Variants in DCAF10 observed in about 807,000 individuals in gnomAD.
The protein encoded by DCAF10 is DDB1 and CUL4 associated factor 10.
DCAF10 carries 19 observed loss-of-function variants against 51.9 expected under a neutral mutation model. That is an observed-to-expected ratio of 0.37 (90% CI 0.26 to 0.54). The LOEUF (loss-of-function observed/expected upper bound fraction) is 0.54. DCAF10 is among the 20% of genes least tolerant of loss of function. The pLI is 0.87. For synonymous variants in DCAF10, 291 were observed against 297.1 expected, an observed-to-expected ratio of 0.98 and a Z score of 0.21; for missense variants, 510 against 730.6, an observed-to-expected ratio of 0.70 and a Z score of 3.48.
At position 37,850,826 on chromosome 9, in the gene DCAF10, T is replaced by TTATATA. The variant is rs71494679; in HGVS notation, c.852-3903_852-3898dup. 3.6e-3 allele frequency among the ~76,000 whole-genome samples: 164 copies of TTATATA among 45,698 alleles called. 4 individuals are homozygous for TTATATA. Among genetic ancestry groups the TTATATA allele is most frequent in the East Asian group, 5.0e-3 (4 of 804 alleles). 30.0% of individuals were successfully genotyped at this position (45,698 alleles called of 152,430 possible). ...AATGCTAAGTATGTGAGGATATATT[T>TTATATA]TATATATATATATATATATATATAT... On this transcript the variant is annotated intron_variant, in intron 3 of 6. Coordinates refer to ENST00000377724, the MANE Select transcript of DCAF10 (RefSeq NM_024345.5).
At chr9:37,816,456 G>A (rs1043370880) in intron 1 of DCAF10, among the ~76,000 whole-genome samples, 6 of 152,184 alleles carry the variant, frequency 3.9e-5, no homozygotes, top group African/African-American at 1.4e-4. Flanking sequence ...TGGGCATGGT[G>A]GCACATGCCT....
intron 3 of DCAF10, among the ~76,000 whole-genome samples, chr9:37,842,910 G>T (rs1017042519): frequency 6.6e-6 from 1 of 152,206 alleles, no homozygotes; most frequent in Non-Finnish European, 1.5e-5. Context: ...TAAAGAAATT[G>T]ATATTTAAAG....
rs1831076836 is a variant in DCAF10, at chr9:37,863,818, A to G, written c.*2310A>G. 6.6e-6 allele frequency: 1 copy of G among 152,252 alleles called. No homozygotes were observed. Among genetic ancestry groups the G allele is most frequent in the Non-Finnish European group, 1.5e-5 (1 of 68,038 alleles). 9.4% of individuals were successfully genotyped at this position (152,252 alleles called of 1,614,324 possible). A position where few individuals can be genotyped will look rare whatever the true frequency, so the allele number is the denominator to read the frequency against. ...TCTTTGTAGGACCTGCCAACTAACT[A>G]TTCACACACATTTATAGAGGTTATA... On this transcript the variant is annotated 3_prime_UTR_variant, in exon 7 of 7. Coordinates refer to ENST00000377724, the MANE Select transcript of DCAF10 (RefSeq NM_024345.5).
intron 1 of DCAF10, among the ~76,000 whole-genome samples, chr9:37,814,219 A>G: frequency 7.0e-6 from 1 of 141,892 alleles, no homozygotes; most frequent in Admixed American, 7.2e-5. Flanking sequence ...GGTTACTGCA[A>G]CCTCTGCCTC....
intron 1 of DCAF10, among the ~76,000 whole-genome samples, chr9:37,802,177 A>G (rs111310293): frequency 2.0e-5 from 3 of 152,186 alleles, no homozygotes; most frequent in East Asian, 1.9e-4. Flanking sequence ...TCATTCATTC[A>G]TTCTCTCATT....
At chr9:37,805,548 T>C (rs1225489292) in intron 1 of DCAF10, among the ~76,000 whole-genome samples, 2 of 152,024 alleles carry the variant, frequency 1.3e-5, no homozygotes, top group African/African-American at 2.4e-5. Context: ...GGGATAATAA[T>C]ATATGTTAAC....
At chr9:37,850,578 T>C (rs1830603022) in intron 3 of DCAF10, among the ~76,000 whole-genome samples, 1 of 151,574 alleles carries the variant, frequency 6.6e-6, no homozygotes, top group African/African-American at 2.4e-5. Flanking sequence ...CAAAAACTCA[T>C]AGAAGCAGAT....
chr9:37,835,188 A>G (rs1379327985), intron 2 of DCAF10, among the ~76,000 whole-genome samples: 1 of 152,092 alleles, frequency 6.6e-6, no homozygotes, highest in Non-Finnish European at 1.5e-5. Context: ...TAATCCTAGC[A>G]CTTTGGGAGG....
In DCAF10 at chr9:37,829,982, G is replaced by A. The variant is rs1212835201; in HGVS notation, c.653+10581G>A. Among the ~76,000 whole-genome samples the A allele has an allele frequency of 6.6e-6, 1 of 152,184 alleles. No individual in the cohort carries two copies. The highest frequency in any genetic ancestry group is 1.5e-5 in the Non-Finnish European group (1 of 68,036). Reference sequence around the variant, plus strand: ...TGCACCACTGCATTCCAGTCTGGGTGACAGAGCAAGACCCTGTCTCTTAAA... The same window carrying A: ...TGCACCACTGCATTCCAGTCTGGGTAACAGAGCAAGACCCTGTCTCTTAAA... On this transcript the variant is annotated intron_variant, in intron 2 of 6. Coordinates refer to ENST00000377724, the MANE Select transcript of DCAF10 (RefSeq NM_024345.5). The surrounding 1 kb of genome is among the most constrained non-coding windows in gnomAD (Gnocchi z 4.2).
rs1207562807 is a variant in DCAF10, at chr9:37,857,358, TAA to T, written c.1165+10_1165+11del. On this transcript the variant is annotated splice_region_variant and intron_variant, in intron 5 of 6. Coordinates refer to ENST00000377724, the MANE Select transcript of DCAF10 (RefSeq NM_024345.5). ...CGAGCCTCTCAAAGAGAAGGTAGGT[TAA>T]AAGTTGGATTTTATAATCTTGTAAC... 14 of 1,582,982 alleles carry T rather than the reference TAA, an allele frequency of 8.8e-6. No homozygotes were observed. The highest frequency in any genetic ancestry group is 1.2e-5 in the Non-Finnish European group (14 of 1,165,944).
At chr9:37,826,903 A>T (rs1019780746) in intron 2 of DCAF10, among the ~76,000 whole-genome samples, 1 of 138,212 alleles carries the variant, frequency 7.2e-6, no homozygotes, top group South Asian at 2.2e-4. Context: ...TCGGCTCACC[A>T]CAACCTCTGC....
chr9:37,855,066 T>C lies in DCAF10; in HGVS notation c.1054+84T>C, dbSNP rs904980969. 28 of 1,325,800 alleles carry C rather than the reference T, an allele frequency of 2.1e-5. 1 individual carries two copies. The South Asian group carries it at 2.6e-4, about 12-fold the overall frequency. 82.1% of individuals were successfully genotyped at this position (1,325,800 alleles called of 1,614,324 possible). ...GTATAGGTTTCTTTTCTGAAAATGA[T>C]AGCAGGAAAAGGGAAGACAGTTTTT... On this transcript the variant is annotated intron_variant, in intron 4 of 6. Transcript: ENST00000377724.
intron 6 of DCAF10, among the ~76,000 whole-genome samples, chr9:37,860,682 A>C (rs1830989135): frequency 6.6e-6 from 1 of 152,192 alleles, no homozygotes; most frequent in African/African-American, 2.4e-5. Context: ...AAAGGTGTTA[A>C]ATGACTTTAT....
At chr9:37,808,934 A>C (rs1829245397) in intron 1 of DCAF10, among the ~76,000 whole-genome samples, 1 of 149,134 alleles carries the variant, frequency 6.7e-6, no homozygotes, top group African/African-American at 2.5e-5. Context: ...GCAAGGAAGA[A>C]AGACTGTCTA....
chr9:37,836,213 C>T, intron 2 of DCAF10: 1 of 1,509,220 alleles, frequency 6.6e-7, no homozygotes, highest in South Asian at 1.1e-5. Context: ...GAACACTTTA[C>T]AGATGTTTAG....
At position 37,801,415 on chromosome 9, in the gene DCAF10, GC is replaced by G; in HGVS notation, c.539+14del. 6.9e-7 allele frequency: 1 copy of G among 1,451,316 alleles called. No homozygotes were observed. Among genetic ancestry groups the G allele is most frequent in the Non-Finnish European group, 9.1e-7 (1 of 1,099,120 alleles). The allele number at this position is 1,451,316 out of a possible 1,614,324, so 89.9% of individuals were successfully genotyped here. ...AGTACTCGCCCGACGGGTAAGCGCG[GC>G]CCCTCGGAGGGCGGGCGCCCGCCTC... On this transcript the variant is annotated intron_variant, in intron 1 of 6. Transcript: ENST00000377724. The surrounding 1 kb of genome is among the most constrained non-coding windows in gnomAD (Gnocchi z 5.5).
chr9:37,803,251 A>G (rs1391140647), intron 1 of DCAF10, among the ~76,000 whole-genome samples: 1 of 152,200 alleles, frequency 6.6e-6, no homozygotes, highest in African/African-American at 2.4e-5. Context: ...ATCTAAGGAA[A>G]TTTTTAATTT....
intron 2 of DCAF10, among the ~76,000 whole-genome samples, chr9:37,827,453 A>G (rs1164844051): frequency 6.6e-6 from 1 of 152,232 alleles, no homozygotes; most frequent in Non-Finnish European, 1.5e-5. Context: ...ATGTATTTAC[A>G]TTAAACAAAT....
chr9:37,815,562 T>G (rs1011362413), intron 1 of DCAF10, among the ~76,000 whole-genome samples: 1 of 151,980 alleles, frequency 6.6e-6, no homozygotes, highest in East Asian at 1.9e-4. Flanking sequence ...GGAGAATCAC[T>G]TGAACCCGGG....
Sources: allele counts gnomAD v4.1 joint callset (sites outside exome capture counted in the v4.1 genomes callset), GRCh38; gene constraint gnomAD v4.1.1; non-coding constraint Gnocchi (gnomAD v3.1); transcripts MANE v1.5; gene names NCBI Gene and HGNC (gene_info 2026-07-23, HGNC 2026-07-21).